The following PIR variants were observed in gnomAD, a reference collection of about 807,000 sequenced individuals.
PIR encodes pirin, also known as pirin (iron-binding nuclear protein).
In PIR, 22 loss-of-function variants were observed where a neutral mutation model predicts 24.2. The observed-to-expected ratio is 0.91, with a 90% CI of 0.65 to 1.30. The LOEUF (loss-of-function observed/expected upper bound fraction) is 1.30. Among genes scored for constraint, PIR ranks in the 50% most tolerant of loss-of-function variants. The pLI is 0.00. For synonymous variants in PIR, 80 were observed against 79.6 expected (o/e 1.00, Z -0.03); for missense variants, 220 against 220.3 (o/e 1.00, Z 0.01).
intron 9 of PIR, among the ~76,000 whole-genome samples, chrX:15,388,205 T>A (rs987639538): frequency 8.9e-6 from 1 of 112,523 alleles, no homozygotes; most frequent in African/African-American, 3.2e-5. Context: ...CCCCCTCTTG[T>A]ATAAAATGGT....
chrX:15,468,902 C>T (rs1391036888), intron 3 of PIR, among the ~76,000 whole-genome samples: 1 of 112,411 alleles, frequency 8.9e-6, no homozygotes, highest in East Asian at 2.8e-4. Flanking sequence ...AGAACATTTG[C>T]CAAGACTAAG....
chrX:15,455,263 G>A (rs1462278835), intron 5 of PIR, among the ~76,000 whole-genome samples: 1 of 112,245 alleles, frequency 8.9e-6, no homozygotes, highest in Non-Finnish European at 1.9e-5. Flanking sequence ...AGCCTAAATT[G>A]ACTTATTTAA....
intron 6 of PIR, among the ~76,000 whole-genome samples, chrX:15,414,887 C>T (rs1157925676): frequency 9.0e-6 from 1 of 111,657 alleles, no homozygotes; most frequent in East Asian, 2.8e-4. Flanking sequence ...TATTTAAATT[C>T]TTAGAATAGG....
chrX:15,420,284 G>T (rs1438122806), intron 6 of PIR, among the ~76,000 whole-genome samples: 1 of 102,857 alleles, frequency 9.7e-6, no homozygotes, highest in Non-Finnish European at 2.0e-5. Context: ...AAAATAAAAT[G>T]CAAATACAGC....
intron 6 of PIR, among the ~76,000 whole-genome samples, chrX:15,417,939 G>T (rs762972896): frequency 1.8e-5 from 2 of 111,634 alleles, no homozygotes; most frequent in Non-Finnish European, 3.8e-5. Flanking sequence ...CTGCAAAGTC[G>T]TTTTTGCCAT....
At chrX:15,425,834 C>T (rs1351682641) in intron 6 of PIR, 72 bp downstream of exon 6, 2 of 599,428 alleles carry the variant, frequency 3.3e-6, no homozygotes, top group African/African-American at 2.3e-5. Flanking sequence ...CCAGGCAAAA[C>T]AGCCTCTTGT....
intron 6 of PIR, among the ~76,000 whole-genome samples, chrX:15,420,315 C>T (rs776986235): frequency 4.2e-5 from 2 of 47,556 alleles, no homozygotes; most frequent in East Asian, 4.2e-4. Flanking sequence ...GACAGATATA[C>T]GTTCTCTCTC....
chrX:15,487,618 G>A (rs1486126365), intron 2 of PIR, among the ~76,000 whole-genome samples: 3 of 112,240 alleles, frequency 2.7e-5, no homozygotes, highest in Non-Finnish European at 5.6e-5. Context: ...CTGGTAGCAG[G>A]AGTGGGCATA....
chrX:15,424,552 T>A (rs1164750435), intron 6 of PIR, among the ~76,000 whole-genome samples: 1 of 112,475 alleles, frequency 8.9e-6, no homozygotes, highest in African/African-American at 3.2e-5. Flanking sequence ...AAAAGAATAA[T>A]TCAAATGTTT....
intron 3 of PIR, among the ~76,000 whole-genome samples, chrX:15,479,288 G>T (rs936561930): frequency 9.1e-6 from 1 of 109,788 alleles, no homozygotes; most frequent in African/African-American, 3.3e-5. Flanking sequence ...TATTACAGGA[G>T]GTTACACACA....
At chrX:15,453,906 A>G (rs1920994537) in intron 5 of PIR, among the ~76,000 whole-genome samples, 1 of 110,785 alleles carries the variant, frequency 9.0e-6, no homozygotes, top group Admixed American at 9.6e-5. Context: ...CAACAGTTCA[A>G]CTCTTTTTCT....
intron 3 of PIR, among the ~76,000 whole-genome samples, chrX:15,473,668 T>C (rs1454426827): frequency 1.8e-5 from 2 of 111,332 alleles, no homozygotes; most frequent in Non-Finnish European, 3.8e-5. Context: ...ACGATTCTCC[T>C]GCCTCAGCTT....
intron 5 of PIR, among the ~76,000 whole-genome samples, chrX:15,447,064 T>C (rs955980766): frequency 1.8e-5 from 2 of 112,334 alleles, no homozygotes; most frequent in African/African-American, 6.5e-5. Context: ...GAATTCCTTT[T>C]CAAAACAGAT....
chrX:15,414,531 G>T (rs1924849455), intron 6 of PIR, among the ~76,000 whole-genome samples: 1 of 111,979 alleles, frequency 8.9e-6, no homozygotes, highest in Non-Finnish European at 1.9e-5. Context: ...TTAGATTGAA[G>T]CCACGTTTAT....
chrX:15,447,825 C>T (rs1446147461), intron 5 of PIR, among the ~76,000 whole-genome samples: 1 of 111,615 alleles, frequency 9.0e-6, no homozygotes, highest in African/African-American at 3.3e-5. Flanking sequence ...GAAGTGATTA[C>T]AATAATATGC....
chrX:15,429,229 C>G (rs921138353), intron 5 of PIR: 3 of 112,014 alleles, frequency 2.7e-5, no homozygotes, highest in African/African-American at 6.5e-5. Flanking sequence ...TACACAGGCA[C>G]AAGCACACAT....
intron 7 of PIR, 63 bp downstream of exon 7, chrX:15,407,443 T>C: frequency 1.2e-6 from 1 of 855,256 alleles, no homozygotes; most frequent in Non-Finnish European, 1.7e-6. Context: ...ATCCTACCTT[T>C]TCTCCCTTCA....
At chrX:15,459,385 T>C (rs1921206873) in intron 4 of PIR, among the ~76,000 whole-genome samples, 1 of 111,592 alleles carries the variant, frequency 9.0e-6, no homozygotes. Flanking sequence ...GATAAGGAAG[T>C]TGGGATATCA....
intron 3 of PIR, among the ~76,000 whole-genome samples, chrX:15,466,906 T>C (rs752285950): frequency 1.8e-5 from 2 of 112,419 alleles, no homozygotes; most frequent in South Asian, 7.4e-4. Flanking sequence ...CCTCCAACCA[T>C]GGTTTGTTTC....
Sources: allele counts gnomAD v4.1 joint callset (sites outside exome capture counted in the v4.1 genomes callset), GRCh38; gene constraint gnomAD v4.1.1; transcripts MANE v1.5; gene names NCBI Gene and HGNC (gene_info 2026-07-23, HGNC 2026-07-21).